The following FBXL7 variants were observed in gnomAD, a reference collection of about 807,000 sequenced individuals.
FBXL7 encodes F-box and leucine rich repeat protein 7, also known as F-box/LRR-repeat protein 7.
A neutral mutation model predicts 38.3 loss-of-function variants in FBXL7; 12 were observed. That is an observed-to-expected ratio of 0.31 (90% CI 0.20 to 0.51). The LOEUF (loss-of-function observed/expected upper bound fraction) is 0.51, where lower values mean the gene tolerates loss of function less well. Ranked by LOEUF, FBXL7 falls within the 20% of genes least tolerant of loss-of-function variation. FBXL7 has a pLI of 0.98. For missense variants in FBXL7, 567 were observed against 676.4 expected, an observed-to-expected ratio of 0.84 and a Z score of 1.79; for synonymous variants, 297 against 300.9, an observed-to-expected ratio of 0.99 and a Z score of 0.13.
chr5:15,604,812 C>G (rs4510585), intron 1 of FBXL7, among the ~76,000 whole-genome samples: 130,062 of 152,154 alleles, frequency 0.85, 55,986 homozygotes, highest in Admixed American at 0.88. Context: ...TTCCGGCTCT[C>G]TCCATCTCAG....
intron 1 of FBXL7, among the ~76,000 whole-genome samples, chr5:15,610,950 G>C (rs1740212503): frequency 6.6e-6 from 1 of 151,988 alleles, no homozygotes; most frequent in Non-Finnish European, 1.5e-5. Flanking sequence ...ACTAATAATT[G>C]GCCAATCCAG....
intron 1 of FBXL7, among the ~76,000 whole-genome samples, chr5:15,566,478 T>C (rs1226813469): frequency 2.6e-5 from 4 of 152,166 alleles, no homozygotes; most frequent in Admixed American, 6.6e-5. Flanking sequence ...TTCAGTCAAC[T>C]TGAGTAACTA....
At chr5:15,561,932 A>G (rs1352509201) in intron 1 of FBXL7, among the ~76,000 whole-genome samples, 1 of 152,160 alleles carries the variant, frequency 6.6e-6, no homozygotes, top group Non-Finnish European at 1.5e-5. Context: ...ATAAAAGCAC[A>G]TACATAAGCC....
At chr5:15,761,726 G>T (rs1736452172) in intron 2 of FBXL7, among the ~76,000 whole-genome samples, 1 of 152,060 alleles carries the variant, frequency 6.6e-6, no homozygotes, top group South Asian at 2.1e-4. Flanking sequence ...TGTATTTTTA[G>T]TAGAGATGGG....
At chr5:15,565,216 C>T (rs1561029732) in intron 1 of FBXL7, among the ~76,000 whole-genome samples, 1 of 152,034 alleles carries the variant, frequency 6.6e-6, no homozygotes, top group Admixed American at 6.6e-5. Flanking sequence ...TTTGTCAAGT[C>T]TCCATGAAGA....
intron 2 of FBXL7, among the ~76,000 whole-genome samples, chr5:15,927,082 G>A (rs1365258212): frequency 6.6e-6 from 1 of 151,988 alleles, no homozygotes; most frequent in Non-Finnish European, 1.5e-5. Context: ...CCCCGTTCAT[G>A]TAGACTGGAA....
chr5:15,714,848 CAA>C (rs35229749), intron 2 of FBXL7, among the ~76,000 whole-genome samples: 3 of 76,636 alleles, frequency 3.9e-5, no homozygotes, highest in Non-Finnish European at 2.4e-5. Context: ...GAGTCCGTCT[CAA>C]AAAAAAAAAA....
At chr5:15,623,738 TACA>T (rs1276559369) in intron 2 of FBXL7, among the ~76,000 whole-genome samples, 2 of 152,222 alleles carry the variant, frequency 1.3e-5, no homozygotes, top group Non-Finnish European at 2.9e-5. Flanking sequence ...TTCAAAACTC[TACA>T]ACAATTCAAC....
chr5:15,731,753 T>A (rs1374530016), intron 2 of FBXL7, among the ~76,000 whole-genome samples: 1 of 152,142 alleles, frequency 6.6e-6, no homozygotes, highest in Admixed American at 6.5e-5. Flanking sequence ...TGTTAGTAAA[T>A]CAAGATGATG....
intron 2 of FBXL7, among the ~76,000 whole-genome samples, chr5:15,791,016 G>C (rs986870160): frequency 6.8e-6 from 1 of 146,662 alleles, no homozygotes; most frequent in African/African-American, 2.5e-5. Context: ...AGTATGGGCT[G>C]TGTAGCCAGG....
chr5:15,787,181 T>C (rs1399488002), intron 2 of FBXL7, among the ~76,000 whole-genome samples: 1 of 152,196 alleles, frequency 6.6e-6, no homozygotes, highest in Non-Finnish European at 1.5e-5. Flanking sequence ...ATTTCTGTTG[T>C]TTTTAAGGCA....
At chr5:15,509,911 C>G (rs1736747528) in intron 1 of FBXL7, among the ~76,000 whole-genome samples, 3 of 152,134 alleles carry the variant, frequency 2.0e-5, no homozygotes, top group Admixed American at 6.5e-5. Context: ...AGTTAATACC[C>G]CAGAGAGGGA....
intron 1 of FBXL7, among the ~76,000 whole-genome samples, chr5:15,593,754 C>CT: frequency 6.6e-6 from 1 of 152,134 alleles, no homozygotes; most frequent in Non-Finnish European, 1.5e-5. Flanking sequence ...AATTTGTTCT[C>CT]TTTTTGCTGA....
intron 1 of FBXL7, among the ~76,000 whole-genome samples, chr5:15,538,585 CA>C (rs1737652600): frequency 6.6e-6 from 1 of 152,204 alleles, no homozygotes; most frequent in South Asian, 2.1e-4. Context: ...CATTGGAAAT[CA>C]AGTTTTCAAG....
At chr5:15,781,745 C>T (rs1018997919) in intron 2 of FBXL7, among the ~76,000 whole-genome samples, 1 of 152,106 alleles carries the variant, frequency 6.6e-6, no homozygotes, top group Non-Finnish European at 1.5e-5. Context: ...AGCTAGACCT[C>T]TCTTGATAAG....
At chr5:15,776,947 G>A (rs928925609) in intron 2 of FBXL7, among the ~76,000 whole-genome samples, 2 of 152,024 alleles carry the variant, frequency 1.3e-5, no homozygotes, top group East Asian at 1.9e-4. Context: ...GATTACATAT[G>A]TATCTTAATA....
chr5:15,805,671 T>A (rs257771), intron 2 of FBXL7, among the ~76,000 whole-genome samples: 87,531 of 151,952 alleles, frequency 0.58, 25,653 homozygotes, highest in Non-Finnish European at 0.64. Context: ...GTCACTGAAT[T>A]TCAAGCCTAA....
chr5:15,564,893 G>A (rs1738521724), intron 1 of FBXL7, among the ~76,000 whole-genome samples: 1 of 151,972 alleles, frequency 6.6e-6, no homozygotes, highest in African/African-American at 2.4e-5. Flanking sequence ...TCCACTAACA[G>A]TTATGTGGTT....
At chr5:15,584,154 G>C (rs1248238736) in intron 1 of FBXL7, among the ~76,000 whole-genome samples, 1 of 152,174 alleles carries the variant, frequency 6.6e-6, no homozygotes, top group Non-Finnish European at 1.5e-5. Context: ...GCTGGGCCCT[G>C]GGCCTGGTCC....
Sources: gnomAD v4.1 joint callset for allele counts (sites outside exome capture counted in the v4.1 genomes callset) on GRCh38, gnomAD v4.1.1 for gene constraint, MANE v1.5 for transcripts, NCBI Gene and HGNC (gene_info 2026-07-23, HGNC 2026-07-21) for gene names.